Variants in WWP2 observed in about 807,000 individuals in gnomAD.
WWP2 encodes WW domain containing E3 ubiquitin protein ligase 2, also known as NEDD4-like E3 ubiquitin-protein ligase WWP2.
A neutral mutation model predicts 121.0 loss-of-function variants in WWP2; 57 were observed. The ratio of observed to expected loss-of-function variants is 0.47; its 90% CI spans 0.38 to 0.59. The LOEUF (loss-of-function observed/expected upper bound fraction) is 0.59. WWP2 is among the 20% of genes least tolerant of loss of function. WWP2 has a pLI of 0.00. For missense variants in WWP2, 962 were observed against 1,158.9 expected, an observed-to-expected ratio of 0.83 and a Z score of 2.47; for synonymous variants, 449 against 441.3, an observed-to-expected ratio of 1.02 and a Z score of -0.22.
intron 6 of WWP2, among the ~76,000 whole-genome samples, chr16:69,858,542 C>T (rs1300093515): frequency 6.6e-6 from 1 of 152,016 alleles, no homozygotes; most frequent in East Asian, 1.9e-4. Context: ...CTTGTGCTTG[C>T]AAGGTGAACC....
chr16:69,888,297 A>T (rs2057963273), intron 8 of WWP2, 48 bp downstream of exon 8: 6 of 1,578,328 alleles, frequency 3.8e-6, no homozygotes, highest in Non-Finnish European at 4.3e-6. Context: ...TCAAAGACTG[A>T]GGCTCCTTTA....
intron 18 of WWP2, 83 bp from the exon 19 acceptor site, chr16:69,936,229 G>A (rs1193307794): frequency 6.3e-7 from 1 of 1,584,892 alleles, no homozygotes; most frequent in Non-Finnish European, 8.6e-7. Context: ...GTGGGCCCTT[G>A]GTGTCCCACG....
rs775898714 is a variant in WWP2 at position 69,888,239 on chromosome 16, C to T, written c.904C>T (p.Leu302=). Residue 302 remains leucine, a synonymous_variant, in exon 8 of 24, where the codon CTG becomes TTG. Coordinates refer to ENST00000359154, the MANE Select transcript of WWP2 (RefSeq NM_001270454.2). ...AGCGGCTGCCCAGGCCCCCGACGCT[C>T]TGCCTGCTGGGTGAGTAGTCTTCTG... The part of the protein sequence containing the change: ...LPAAAQAPDA[L]PAGWEQRELP... The T allele has an allele frequency of 3.7e-6, 6 of 1,613,992 alleles. No individual in the cohort carries two copies. In the East Asian group the frequency reaches 1.3e-4, roughly 36 times the overall value.
chr16:69,777,523 A>G (rs967110701), intron 1 of WWP2, among the ~76,000 whole-genome samples: 1 of 151,246 alleles, frequency 6.6e-6, no homozygotes, highest in Middle Eastern at 3.2e-3. Flanking sequence ...CTGGTCTCGA[A>G]CTCCTGACCT....
chr16:69,903,138 A>G (rs920924772), intron 8 of WWP2, among the ~76,000 whole-genome samples: 7 of 152,214 alleles, frequency 4.6e-5, no homozygotes, highest in African/African-American at 1.4e-4. Context: ...GGACAATAAT[A>G]GTCCCTGAAA....
chr16:69,927,370 C>T (rs1340452679), intron 11 of WWP2, among the ~76,000 whole-genome samples: 1 of 152,218 alleles, frequency 6.6e-6, no homozygotes, highest in East Asian at 1.9e-4. Flanking sequence ...TCCCCACACA[C>T]TGCTGTGGGA....
chr16:69,795,649 GTTTT>G (rs386384998), intron 2 of WWP2, among the ~76,000 whole-genome samples: 5 of 66,928 alleles, frequency 7.5e-5, no homozygotes. Flanking sequence ...AAAATAGGAG[GTTTT>G]TTTTTTTTTT....
At chr16:69,899,083 G>A (rs1349279903) in intron 8 of WWP2, among the ~76,000 whole-genome samples, 1 of 152,192 alleles carries the variant, frequency 6.6e-6, no homozygotes, top group Non-Finnish European at 1.5e-5. Context: ...CCCAGTCTGT[G>A]GCTTGTCTTT....
At chr16:69,881,435 A>G (rs1294863959) in intron 7 of WWP2, among the ~76,000 whole-genome samples, 2 of 152,250 alleles carry the variant, frequency 1.3e-5, no homozygotes, top group Non-Finnish European at 1.5e-5. Context: ...GCTAAAGGCA[A>G]TGCAGGATCC....
intron 4 of WWP2, among the ~76,000 whole-genome samples, chr16:69,825,629 T>G (rs1464439596): frequency 6.6e-6 from 1 of 150,776 alleles, no homozygotes; most frequent in Non-Finnish European, 1.5e-5. Context: ...TTTTTTTTTT[T>G]GGTTTTTTTT....
intron 6 of WWP2, among the ~76,000 whole-genome samples, chr16:69,862,142 T>G (rs974545805): frequency 1.1e-4 from 16 of 151,956 alleles, no homozygotes; most frequent in Non-Finnish European, 1.5e-5. Flanking sequence ...CTCGGCACAC[T>G]GCAACCTCAG....
At chr16:69,898,746 C>T (rs1191045051) in intron 8 of WWP2, among the ~76,000 whole-genome samples, 1 of 151,966 alleles carries the variant, frequency 6.6e-6, no homozygotes, top group East Asian at 1.9e-4. Context: ...TCTTGTTGCC[C>T]ATGCTGGAGT....
intron 8 of WWP2, among the ~76,000 whole-genome samples, chr16:69,900,393 C>T (rs1044658634): frequency 4.6e-5 from 7 of 151,908 alleles, no homozygotes; most frequent in African/African-American, 1.7e-4. Context: ...TTTTGGGAGG[C>T]CGAAGCAGGA....
intron 2 of WWP2, among the ~76,000 whole-genome samples, chr16:69,796,498 T>C (rs766732656): frequency 6.6e-5 from 10 of 152,248 alleles, no homozygotes; most frequent in Non-Finnish European, 1.2e-4. Flanking sequence ...TGACTGGTGT[T>C]GCGGCTCACT....
rs890782069 is a variant in WWP2, at chr16:69,935,789, G to A, written c.1843-64G>A. On this transcript the variant is annotated intron_variant, in intron 17 of 23. Transcript: ENST00000359154. The surrounding 1 kb of genome is among the most constrained non-coding windows in gnomAD (Gnocchi z 5.2). ...TAGCAGAGTTTGATACCGAGCATCT[G>A]AGAGCTGGTCTTGGCAGTGCCCAGG... 20 of 1,550,124 alleles carry A rather than the reference G, an allele frequency of 1.3e-5. No homozygotes were observed. The African/African-American group carries it at 2.2e-4, about 17-fold the overall frequency.
intron 2 of WWP2, among the ~76,000 whole-genome samples, chr16:69,791,477 C>T (rs1287829221): frequency 6.6e-6 from 1 of 152,166 alleles, no homozygotes; most frequent in Non-Finnish European, 1.5e-5. Flanking sequence ...ATCCACCCAC[C>T]TCGGCCTGCC....
intron 4 of WWP2, among the ~76,000 whole-genome samples, chr16:69,813,161 ATTT>A (rs201294551): frequency 5.1e-5 from 7 of 135,956 alleles, no homozygotes; most frequent in Admixed American, 7.4e-5. Flanking sequence ...TTCTGGTGTA[ATTT>A]TTTTTTTTTT....
chr16:69,892,424 CTT>C (rs954131174), intron 8 of WWP2, among the ~76,000 whole-genome samples: 1 of 151,696 alleles, frequency 6.6e-6, no homozygotes, highest in African/African-American at 2.4e-5. Flanking sequence ...CAATGATTCT[CTT>C]AAACAACTCT....
intron 6 of WWP2, among the ~76,000 whole-genome samples, chr16:69,852,097 A>G (rs1373223012): frequency 6.6e-6 from 1 of 152,200 alleles, no homozygotes; most frequent in Non-Finnish European, 1.5e-5. Flanking sequence ...AGAAACTGCT[A>G]AACTGTTTTC....
Sources: allele counts gnomAD v4.1 joint callset (sites outside exome capture counted in the v4.1 genomes callset), GRCh38; gene constraint gnomAD v4.1.1; non-coding constraint Gnocchi (gnomAD v3.1); transcripts MANE v1.5; gene names NCBI Gene and HGNC (gene_info 2026-07-23, HGNC 2026-07-21).